FAM53A: variants seen among roughly 807,000 people sequenced by gnomAD.
FAM53A encodes protein FAM53A.
A neutral mutation model predicts 26.6 loss-of-function variants in FAM53A; 28 were observed. The ratio of observed to expected loss-of-function variants is 1.05; its 90% CI spans 0.78 to 1.45. The LOEUF (loss-of-function observed/expected upper bound fraction) is 1.45. FAM53A is among the 40% of genes most tolerant of loss of function. The pLI, the probability that FAM53A is intolerant of heterozygous loss-of-function variation, is 0.00. For synonymous variants in FAM53A, 290 were observed against 253.1 expected, an observed-to-expected ratio of 1.15 and a Z score of -1.38; for missense variants, 650 against 575.8, an observed-to-expected ratio of 1.13 and a Z score of -1.32.
the FAM53A span, among the ~76,000 whole-genome samples, chr4:1,605,933 A>G: frequency 1.3e-5 from 2 of 152,118 alleles, no homozygotes; most frequent in African/African-American, 4.8e-5. This position sits in a 1 kb window ranked among gnomAD's most constrained non-coding sequence, Gnocchi z 5.7. Context: ...CTTTAGCCCA[A>G]ACTGGAAGTG....
At chr4:1,588,330 C>G in the FAM53A span, among the ~76,000 whole-genome samples, 1 of 152,166 alleles carries the variant, frequency 6.6e-6, no homozygotes, top group Non-Finnish European at 1.5e-5. Flanking sequence ...TCTTCAGTGC[C>G]CTTCCCTTCA....
At chr4:1,671,983 T>C (rs1034917411) in intron 1 of FAM53A, among the ~76,000 whole-genome samples, 1 of 144,374 alleles carries the variant, frequency 6.9e-6, no homozygotes, top group African/African-American at 2.5e-5. Flanking sequence ...CCCAGCAGCC[T>C]GCCTGTGACA....
At chr4:1,599,757 G>A in the FAM53A span, among the ~76,000 whole-genome samples, 143 of 150,328 alleles carry the variant, frequency 9.5e-4, 1 homozygote, top group African/African-American at 3.2e-3. This position sits in a 1 kb window ranked among gnomAD's most constrained non-coding sequence, Gnocchi z 6.1. Flanking sequence ...CACACACCCC[G>A]CCACCTGCCA....
chr4:1,675,956 A>G (rs1715014460), intron 1 of FAM53A, among the ~76,000 whole-genome samples: 1 of 152,252 alleles, frequency 6.6e-6, no homozygotes, highest in African/African-American at 2.4e-5. Context: ...CTCACGGGAC[A>G]GCGGCAAAAT....
At chr4:1,649,183 G>A (rs190124823) in intron 4 of FAM53A, among the ~76,000 whole-genome samples, 2,012 of 147,092 alleles carry the variant, frequency 0.014, 48 homozygotes, top group African/African-American at 0.049. Context: ...GAAAGGGAAG[G>A]GGAAGGGGAA....
the FAM53A span, among the ~76,000 whole-genome samples, chr4:1,597,499 C>A: frequency 2.6e-5 from 4 of 152,228 alleles, no homozygotes; most frequent in African/African-American, 9.6e-5. Context: ...GAGCCACACA[C>A]CCCACACAGG....
At chr4:1,675,400 C>T (rs894542516) in intron 1 of FAM53A, among the ~76,000 whole-genome samples, 7 of 152,180 alleles carry the variant, frequency 4.6e-5, no homozygotes, top group African/African-American at 1.7e-4. Context: ...CCCAAGCCCA[C>T]GAGCACTGCC....
intron 2 of FAM53A, among the ~76,000 whole-genome samples, chr4:1,663,582 AGGCT>A (rs1714009924): frequency 6.6e-6 from 1 of 151,938 alleles, no homozygotes; most frequent in Non-Finnish European, 1.5e-5. Context: ...GACAGCCAAC[AGGCT>A]GTCCACCACG....
chr4:1,611,479 C>T, the FAM53A span, among the ~76,000 whole-genome samples: 131 of 152,338 alleles, frequency 8.6e-4, no homozygotes, highest in Non-Finnish European at 1.7e-3. Context: ...AGCTGACCTG[C>T]ACTGGCCCAG....
At chr4:1,600,661 T>C in the FAM53A span, among the ~76,000 whole-genome samples, 1 of 152,194 alleles carries the variant, frequency 6.6e-6, no homozygotes, top group Admixed American at 6.5e-5. Flanking sequence ...CTTTTCTTTT[T>C]CTTTTTCGTT....
chr4:1,640,582 C>A lies in FAM53A; in HGVS notation c.*711G>T. On this transcript the variant is annotated 3_prime_UTR_variant, in exon 5 of 5. Transcript: ENST00000308132. ...AATGCTTCTTTAGGAAAAACTGAAT[C>A]AAAATTACGCCTTAATGTTCCAAGC... The A allele has an allele frequency of 2.9e-6, 1 of 345,718 alleles. No homozygotes were observed. Among genetic ancestry groups the A allele is most frequent in the Non-Finnish European group, 5.4e-6 (1 of 183,748 alleles). 21.4% of individuals were successfully genotyped at this position (345,718 alleles called of 1,614,324 possible). A position where few individuals can be genotyped will look rare whatever the true frequency, so the allele number is the denominator to read the frequency against.
chr4:1,682,489 C>T (rs1389764462), intron 1 of FAM53A, among the ~76,000 whole-genome samples: 2 of 152,078 alleles, frequency 1.3e-5, no homozygotes, highest in Non-Finnish European at 2.9e-5. Flanking sequence ...TCTCGATCTC[C>T]TGACCTCGTG....
chr4:1,681,708 G>T (rs949671916), intron 1 of FAM53A, among the ~76,000 whole-genome samples: 1 of 151,414 alleles, frequency 6.6e-6, no homozygotes, highest in African/African-American at 2.4e-5. Flanking sequence ...TCACTATGTT[G>T]CCCAGGCTGG....
At chr4:1,662,614 C>T (rs543084199) in intron 2 of FAM53A, among the ~76,000 whole-genome samples, 2 of 146,140 alleles carry the variant, frequency 1.4e-5, no homozygotes, top group Non-Finnish European at 3.0e-5. Flanking sequence ...TGAGACCCTG[C>T]ACTCCAGCCT....
chr4:1,596,678 TGGCCTCCACCGAGGCCGTGCCA>T, the FAM53A span, among the ~76,000 whole-genome samples: 1 of 152,210 alleles, frequency 6.6e-6, no homozygotes, highest in South Asian at 2.1e-4. Context: ...CGGGCTGCTG[TGGCCTCCACCGAGGCCGTGCCA>T]CACGGTACAT....
chr4:1,577,558 T>A, the FAM53A span, among the ~76,000 whole-genome samples: 1 of 152,208 alleles, frequency 6.6e-6, no homozygotes, highest in South Asian at 2.1e-4. Flanking sequence ...AATTAGGCCA[T>A]CCGGCGTTTG....
At chr4:1,609,361 C>T in the FAM53A span, among the ~76,000 whole-genome samples, 1 of 152,138 alleles carries the variant, frequency 6.6e-6, no homozygotes, top group Non-Finnish European at 1.5e-5. Context: ...CAGGCCTGCA[C>T]CTGCCCCGGG....
chr4:1,608,333 G>T, the FAM53A span, among the ~76,000 whole-genome samples: 1 of 152,122 alleles, frequency 6.6e-6, no homozygotes, highest in Admixed American at 6.5e-5. Context: ...ATGGCCTCCT[G>T]AGAGAGCCCC....
intron 1 of FAM53A, among the ~76,000 whole-genome samples, chr4:1,621,188 C>T (rs1055301510): frequency 4.7e-5 from 7 of 149,490 alleles, no homozygotes; most frequent in Admixed American, 6.7e-5. Flanking sequence ...CTACAGGCTC[C>T]GCCCCCCAGG....
Sources: allele counts gnomAD v4.1 joint callset (sites outside exome capture counted in the v4.1 genomes callset), GRCh38; gene constraint gnomAD v4.1.1; non-coding constraint Gnocchi (gnomAD v3.1); transcripts MANE v1.5; gene names NCBI Gene and HGNC (gene_info 2026-07-23, HGNC 2026-07-21).